The following TGFB2 variants were observed in gnomAD, a reference collection of about 807,000 sequenced individuals.
The protein encoded by TGFB2 is transforming growth factor beta 2, also known as transforming growth factor beta-2 proprotein.
In TGFB2, 13 loss-of-function variants were observed where a neutral mutation model predicts 42.7. The ratio of observed to expected loss-of-function variants is 0.30; its 90% CI spans 0.20 to 0.48. The LOEUF (loss-of-function observed/expected upper bound fraction) is 0.48. Among genes scored for constraint, TGFB2 ranks in the 20% least tolerant of loss-of-function variants. The probability of loss-of-function intolerance (pLI) is 0.99; values close to 1 mark genes in which losing one functional copy is unlikely to be tolerated. For synonymous variants in TGFB2, 193 were observed against 193.6 expected, an observed-to-expected ratio of 1.00 and a Z score of 0.03; for missense variants, 390 against 517.5, an observed-to-expected ratio of 0.75 and a Z score of 2.39.
Position 218,381,859 on chromosome 1 carries a change from G to A in TGFB2, c.347-23310G>A, listed in dbSNP as rs74369538. Among the ~76,000 whole-genome samples, 1,430 of 152,264 alleles carry A rather than the reference G, an allele frequency of 9.4e-3. 23 individuals carry two copies. The highest frequency in any genetic ancestry group is 0.032 in the African/African-American group (1,327 of 41,554). ...TGTGTGTGTGTGTGTGCACACGCGC[G>A]TGCCTATGCACACAATGGGGCAGTT... On this transcript the variant is annotated intron_variant, in intron 1 of 6. Transcript: ENST00000366930.
chr1:218,429,974 T>G (rs1659754787), intron 2 of TGFB2, among the ~76,000 whole-genome samples: 1 of 152,194 alleles, frequency 6.6e-6, no homozygotes, highest in Non-Finnish European at 1.5e-5. Context: ...CTTTCCCCAA[T>G]GATCCCCAGT....
At chr1:218,375,037 AT>A (rs898396951) in intron 1 of TGFB2, among the ~76,000 whole-genome samples, 77 of 151,880 alleles carry the variant, frequency 5.1e-4, no homozygotes, top group Non-Finnish European at 8.2e-4. Flanking sequence ...TCAAAAAAAG[AT>A]TTTTTTTTAT....
chr1:218,387,529 C>T (rs1266255834), intron 1 of TGFB2, among the ~76,000 whole-genome samples: 1 of 152,110 alleles, frequency 6.6e-6, no homozygotes, highest in Non-Finnish European at 1.5e-5. Context: ...TAGTGTCTCT[C>T]CTAGCCTTGG....
intron 1 of TGFB2, among the ~76,000 whole-genome samples, chr1:218,383,035 T>C (rs1187224960): frequency 6.6e-6 from 1 of 152,246 alleles, no homozygotes; most frequent in African/African-American, 2.4e-5. Flanking sequence ...TTTTGGAGTC[T>C]TCTTGAAAAT....
intron 2 of TGFB2, 47 bp downstream of exon 2, chr1:218,405,379 G>A (rs1367091165): frequency 6.2e-7 from 1 of 1,604,552 alleles, no homozygotes; most frequent in Admixed American, 1.7e-5. Flanking sequence ...TGTTGTTTTA[G>A]ACAGACTCTC....
chr1:218,376,527 G>A (rs960715072), intron 1 of TGFB2, among the ~76,000 whole-genome samples: 2 of 152,188 alleles, frequency 1.3e-5, no homozygotes, highest in Non-Finnish European at 2.9e-5. Flanking sequence ...ATCACCAACA[G>A]CTCAGAGAGT....
In TGFB2 at chr1:218,441,406, T is replaced by A; in HGVS notation, c.*44T>A. 1 of 1,566,372 alleles carries A rather than the reference T, an allele frequency of 6.4e-7. No homozygotes were observed. Among genetic ancestry groups the A allele is most frequent in the South Asian group, 1.2e-5 (1 of 83,584 alleles). The stretch of plus-strand genomic sequence containing the variant: ...AAGACCAAAATGACAATGATGATGA[T>A]AATGATGATGACGACGACAACGATG... On this transcript the variant is annotated 3_prime_UTR_variant, in exon 7 of 7. Coordinates refer to ENST00000366930, the MANE Select transcript of TGFB2 (RefSeq NM_003238.6).
chr1:218,385,246 G>A (rs2027567), intron 1 of TGFB2, among the ~76,000 whole-genome samples: 97,889 of 152,104 alleles, frequency 0.64, 33,405 homozygotes, highest in Non-Finnish European at 0.76. Context: ...AATGCTTGGT[G>A]TTTCTGAATG....
chr1:218,425,771 A>T (rs1387373669), intron 2 of TGFB2, among the ~76,000 whole-genome samples: 1 of 152,214 alleles, frequency 6.6e-6, no homozygotes, highest in Non-Finnish European at 1.5e-5. Context: ...CGGTCATGAG[A>T]GGCCTTTAGA....
chr1:218,420,704 G>T (rs1659426977), intron 2 of TGFB2, among the ~76,000 whole-genome samples: 2 of 152,054 alleles, frequency 1.3e-5, no homozygotes. Context: ...GTCATCAAAG[G>T]TCTGCGTATG....
intron 2 of TGFB2, among the ~76,000 whole-genome samples, chr1:218,427,473 A>G (rs1349278960): frequency 1.3e-5 from 2 of 151,976 alleles, no homozygotes; most frequent in Non-Finnish European, 2.9e-5. Flanking sequence ...TCCTAATGCT[A>G]TCCCTCCCCT....
chr1:218,400,513 C>G (rs776860244), intron 1 of TGFB2, among the ~76,000 whole-genome samples: 13 of 152,110 alleles, frequency 8.5e-5, no homozygotes, highest in Non-Finnish European at 1.6e-4. Context: ...ATCTCCCTTC[C>G]CATGGGACTG....
chr1:218,383,127 C>T (rs529505615), intron 1 of TGFB2, among the ~76,000 whole-genome samples: 96 of 152,256 alleles, frequency 6.3e-4, no homozygotes, highest in Non-Finnish European at 1.1e-3. Flanking sequence ...CAATTCCCAA[C>T]GAAGAGGAAA....
At chr1:218,387,084 T>C (rs1658161585) in intron 1 of TGFB2, among the ~76,000 whole-genome samples, 1 of 152,176 alleles carries the variant, frequency 6.6e-6, no homozygotes, top group African/African-American at 2.4e-5. Flanking sequence ...GAGGTGACAC[T>C]AGGCTGGACC....
At chr1:218,394,563 G>A (rs1037091289) in intron 1 of TGFB2, among the ~76,000 whole-genome samples, 1 of 152,062 alleles carries the variant, frequency 6.6e-6, no homozygotes, top group Non-Finnish European at 1.5e-5. Context: ...GCCAAGTCAC[G>A]TAAGCTGATG....
At position 218,426,951 on chromosome 1, in the gene TGFB2, C is replaced by T. The variant is rs118172935; in HGVS notation, c.511-7131C>T. On this transcript the variant is annotated intron_variant, in intron 2 of 6. Transcript: ENST00000366930. ...TTTTGTATAAATCACATTTATAGTGCATCATCTACAATTTCTATTTTTATT... is the reference window on the plus strand; with the variant it reads ...TTTTGTATAAATCACATTTATAGTGTATCATCTACAATTTCTATTTTTATT... 8.4e-4 allele frequency among the ~76,000 whole-genome samples: 128 copies of T among 152,256 alleles called. 3 individuals are homozygous for T. In the East Asian group the frequency reaches 0.023, roughly 27 times the overall value.
intron 1 of TGFB2, among the ~76,000 whole-genome samples, chr1:218,401,992 G>A (rs1349295049): frequency 6.6e-6 from 1 of 152,236 alleles, no homozygotes; most frequent in Non-Finnish European, 1.5e-5. Flanking sequence ...TCCTCAGCCA[G>A]CCAGGGGGCT....
chr1:218,440,529 C>T (rs1404333035), intron 6 of TGFB2, among the ~76,000 whole-genome samples: 2 of 152,092 alleles, frequency 1.3e-5, no homozygotes, highest in African/African-American at 4.8e-5. Context: ...GGATTACAGG[C>T]GTGAGCCACC....
intron 1 of TGFB2, among the ~76,000 whole-genome samples, chr1:218,382,472 C>T (rs1657997406): frequency 6.6e-6 from 1 of 152,206 alleles, no homozygotes; most frequent in South Asian, 2.1e-4. Flanking sequence ...CACGCTTGAG[C>T]AGGACCACTG....
Sources: allele counts gnomAD v4.1 joint callset (sites outside exome capture counted in the v4.1 genomes callset), GRCh38; gene constraint gnomAD v4.1.1; transcripts MANE v1.5; gene names NCBI Gene and HGNC (gene_info 2026-07-23, HGNC 2026-07-21).